INPPL1: variants seen among roughly 807,000 people sequenced by gnomAD.
The protein encoded by INPPL1 is inositol polyphosphate phosphatase like 1.
A neutral mutation model predicts 139.3 loss-of-function variants in INPPL1; 91 were observed. That is an observed-to-expected ratio of 0.65 (90% CI 0.55 to 0.78). INPPL1 has a LOEUF of 0.78. Ranked by LOEUF, INPPL1 falls within the 30% of genes least tolerant of loss-of-function variation. INPPL1 has a pLI of 0.00. For missense variants in INPPL1, 1,411 were observed against 1,665.6 expected (o/e 0.85, Z 2.66); for synonymous variants, 719 against 686.6 (o/e 1.05, Z -0.74).
intron 25 of INPPL1, among the ~76,000 whole-genome samples, chr11:72,236,777 C>T (rs1948999718): frequency 6.6e-6 from 1 of 152,176 alleles, no homozygotes; most frequent in African/African-American, 2.4e-5. Flanking sequence ...GTGGGTGCCT[C>T]AAGAGGCTTT....
In INPPL1 at chr11:72,238,524, G is replaced by A; in HGVS notation, c.*171G>A. The A allele has an allele frequency of 1.9e-6, 1 of 535,798 alleles. No homozygotes were observed. Among genetic ancestry groups the A allele is most frequent in the Non-Finnish European group, 3.1e-6 (1 of 317,786 alleles). The allele number at this position is 535,798 out of a possible 1,614,324, so 33.2% of individuals were successfully genotyped here. On this transcript the variant is annotated 3_prime_UTR_variant, in exon 28 of 28. Coordinates refer to ENST00000298229, the MANE Select transcript of INPPL1 (RefSeq NM_001567.4). ...TCCCCGCTGCCCAATCATTTGCAAT[G>A]CCCTAATTAGGGCATCCTGCCCCTC...
At chr11:72,232,552 C>G in intron 14 of INPPL1, 74 bp from the exon 15 acceptor site, 1 of 1,562,830 alleles carries the variant, frequency 6.4e-7, no homozygotes, top group Non-Finnish European at 8.7e-7. Flanking sequence ...GACTTCTTCC[C>G]TTTATGCCTA....
chr11:72,224,532 G>C (rs1948610513), upstream of INPPL1, among the ~76,000 whole-genome samples: 1 of 149,362 alleles, frequency 6.7e-6, no homozygotes, highest in African/African-American at 2.5e-5. Flanking sequence ...AGGATGGGGG[G>C]ACTCGGATTT....
rs759012188 is a variant in INPPL1 at position 72,230,354 on chromosome 11, T to C, written c.1091-8T>C. ...ACAGGCCCATGTGACCGGTCCTCCA[T>C]GCCCTAGTCCGCCAGCTCATTAAGT... On this transcript the variant is annotated splice_region_variant and splice_polypyrimidine_tract_variant and intron_variant, in intron 9 of 27. Coordinates refer to ENST00000298229, the MANE Select transcript of INPPL1 (RefSeq NM_001567.4). 6.2e-7 allele frequency: 1 copy of C among 1,613,994 alleles called. No individual in the cohort carries two copies. Among genetic ancestry groups the C allele is most frequent in the South Asian group, 1.1e-5 (1 of 91,078 alleles).
chr11:72,225,655 G>A (rs980184870), intron 1 of INPPL1: 5 of 380,342 alleles, frequency 1.3e-5, no homozygotes, highest in African/African-American at 2.2e-5. Context: ...TGTATGGGTG[G>A]TGGGGGCGGT....
rs1384607153 is a variant in INPPL1, at chr11:72,232,667, T to C, written c.1754T>C (p.Leu585Pro). 9 of 1,613,942 alleles carry C rather than the reference T, an allele frequency of 5.6e-6. No homozygotes were observed. The highest frequency in any genetic ancestry group is 4.0e-5 in the African/African-American group (3 of 74,904). ...NYLDILRLLS[L>P]GDRQLNAFDI... ...TTGGACATCCTGCGGCTGCTCTCGC[T>C]GGGCGACCGGCAGCTCAATGCCTTT... The change falls in exon 15 of 28, where the codon CTG becomes CCG. Residue 585 changes from leucine to proline, a missense_variant. Physicochemically the swap from Leu to Pro is moderately conservative, Grantham distance 98. Around this residue, in one of 5 missense-constraint regions of INPPL1, gnomAD observed 363 missense variants for 446.2 expected, o/e 0.81. Transcript: ENST00000298229.
At chr11:72,236,627 G>C (rs1246713272) in intron 25 of INPPL1, among the ~76,000 whole-genome samples, 1 of 152,150 alleles carries the variant, frequency 6.6e-6, no homozygotes, top group Non-Finnish European at 1.5e-5. Context: ...TCCGATTGTT[G>C]CTTAAACTTA....
At chr11:72,231,217 C>A in intron 12 of INPPL1, 28 bp downstream of exon 12, 1 of 1,586,624 alleles carries the variant, frequency 6.3e-7, no homozygotes, top group South Asian at 1.1e-5. Flanking sequence ...TGTCCAGGAC[C>A]CTGTCCTCAC....
intron 1 of INPPL1, among the ~76,000 whole-genome samples, chr11:72,227,707 C>T (rs1479898930): frequency 1.3e-5 from 2 of 152,230 alleles, no homozygotes; most frequent in Admixed American, 6.5e-5. Flanking sequence ...CCACACTCCT[C>T]GGCACAAGTG....
At chr11:72,238,002 G>C in intron 26 of INPPL1, 40 bp from the exon 27 acceptor site, 2 of 1,512,506 alleles carry the variant, frequency 1.3e-6, no homozygotes, top group Non-Finnish European at 1.8e-6. Flanking sequence ...TGTTTCTATG[G>C]GGGGCACTCA....
chr11:72,238,398 T>C lies in INPPL1; in HGVS notation c.*45T>C. 6.8e-7 allele frequency: 1 copy of C among 1,475,472 alleles called. No homozygotes were observed. The highest frequency in any genetic ancestry group is 2.4e-5 in the Admixed American group (1 of 42,012). The allele number at this position is 1,475,472 out of a possible 1,614,324, so 91.4% of individuals were successfully genotyped here. A position where few individuals can be genotyped will look rare whatever the true frequency, so the allele number is the denominator to read the frequency against. On this transcript the variant is annotated 3_prime_UTR_variant, in exon 28 of 28. Transcript: ENST00000298229. ...CTGTGAACTCAGAGCCCCTCCCTGC[T>C]ACCAAGGCCCAGCTATGGCCCCAGG...
intron 7 of INPPL1, 80 bp downstream of exon 7, chr11:72,229,832 C>T: frequency 1.3e-6 from 2 of 1,558,830 alleles, no homozygotes; most frequent in Non-Finnish European, 8.8e-7. Context: ...CCTCAGTCTA[C>T]AACTTAACAT....
Position 72,232,247 on chromosome 11 carries a change from G to T in INPPL1, c.1623G>T (p.Lys541Asn). The change falls in exon 14 of 28, where the codon AAG becomes AAT. Residue 541 changes from lysine (K) to asparagine (N), a missense_variant. Transcript: ENST00000298229. The part of the protein sequence containing the change: ...KTGIANTLGN[K>N]GAVGVSFMFN... ...TCTTGCTTGCCTTAACAGGGAACAA[G>T]GGGGCTGTGGGCGTCTCCTTCATGT... 1 of 1,555,056 alleles carries T rather than the reference G, an allele frequency of 6.4e-7. No homozygotes were observed. The highest frequency in any genetic ancestry group is 8.7e-7 in the Non-Finnish European group (1 of 1,148,474).
In INPPL1 at chr11:72,232,861, G is replaced by A; in HGVS notation, c.1852-14G>A. ...CCGGAGGAATGTTTCTAGCCTTTGTGTCCTCCACCCCAGGAGATCCTGAAC... is the reference window on the plus strand; with the variant it reads ...CCGGAGGAATGTTTCTAGCCTTTGTATCCTCCACCCCAGGAGATCCTGAAC... On this transcript the variant is annotated splice_polypyrimidine_tract_variant and intron_variant, in intron 15 of 27. Transcript: ENST00000298229. The A allele has an allele frequency of 6.2e-7, 1 of 1,613,890 alleles. No homozygotes were observed. Among genetic ancestry groups the A allele is most frequent in the Admixed American group, 1.7e-5 (1 of 60,024 alleles).
chr11:72,233,356 G>T, intron 17 of INPPL1, 85 bp from the exon 18 acceptor site: 1 of 1,201,274 alleles, frequency 8.3e-7, no homozygotes, highest in South Asian at 1.2e-5. Flanking sequence ...ATAGAAGTGT[G>T]GGGACTCATC....
At chr11:72,230,589 A>G in intron 10 of INPPL1, 121 bp downstream of exon 10, 1 of 1,007,824 alleles carries the variant, frequency 9.9e-7, no homozygotes, top group Non-Finnish European at 1.5e-6. Context: ...TGGCAGGGGT[A>G]GGTCTGACAG....
chr11:72,230,514 C>T, intron 10 of INPPL1, 46 bp downstream of exon 10: 1 of 1,552,138 alleles, frequency 6.4e-7, no homozygotes, highest in Non-Finnish European at 8.9e-7. Flanking sequence ...CGGGGGTCCC[C>T]CACATGGGTG....
In INPPL1 at chr11:72,232,554, TTATGCC is replaced by T. The variant is rs144872110; in HGVS notation, c.1713-68_1713-63del. 8.0e-4 allele frequency: 1,252 copies of T among 1,564,368 alleles called. 40 individuals carry two copies. The East Asian group carries it at 0.028, about 35-fold the overall frequency. ...CCCTGACTCCTGAGACTTCTTCCCT[TTATGCC>T]TATCCCTGACTTCTGGCCCTGACCC... On this transcript the variant is annotated intron_variant, in intron 14 of 27. Coordinates refer to ENST00000298229, the MANE Select transcript of INPPL1 (RefSeq NM_001567.4).
In INPPL1 at chr11:72,233,136, T is replaced by G; in HGVS notation, c.2013T>G (p.Tyr671Ter). Residue 671 changes from tyrosine (Y) to a stop codon, truncating the protein, a stop_gained, in exon 17 of 28, where the codon TAT (tyrosine) becomes TAG (stop). Coordinates refer to ENST00000298229, the MANE Select transcript of INPPL1 (RefSeq NM_001567.4). LOFTEE classifies it high-confidence loss of function. ...ATGAGCGGGGTTCCCGGGACACATATGCCTGGCACAAGCAGAAGCCAACTG... is the reference window on the plus strand; with the variant it reads ...ATGAGCGGGGTTCCCGGGACACATAGGCCTGGCACAAGCAGAAGCCAACTG... Reference protein sequence around the residue: ...YRYERGSRDTYAWHKQKPTGV... With the variant: ...YRYERGSRDT 1 of 1,613,988 alleles carries G rather than the reference T, an allele frequency of 6.2e-7. No individual in the cohort carries two copies. The highest frequency in any genetic ancestry group is 8.5e-7 in the Non-Finnish European group (1 of 1,179,974).
Sources: allele counts gnomAD v4.1 joint callset (sites outside exome capture counted in the v4.1 genomes callset), GRCh38; gene constraint gnomAD v4.1.1; regional missense constraint gnomAD v4.1.1; transcripts MANE v1.5; gene names NCBI Gene and HGNC (gene_info 2026-07-23, HGNC 2026-07-21).